PROX2: variants seen among roughly 807,000 people sequenced by gnomAD.
The protein encoded by PROX2 is prospero homeobox 2.
Under a neutral mutation model 48.9 loss-of-function variants are expected in PROX2, and 46 were observed. The ratio of observed to expected loss-of-function variants is 0.94; its 90% CI spans 0.74 to 1.20. The LOEUF is 1.20. Among genes scored for constraint, PROX2 ranks in the 50% most tolerant of loss-of-function variants. The pLI, the probability that PROX2 is intolerant of heterozygous loss-of-function variation, is 0.00. For missense variants in PROX2, 663 were observed against 719.4 expected (o/e 0.92, Z 0.90); for synonymous variants, 260 against 276.6 (o/e 0.94, Z 0.60).
chr14:74,863,745 G>T lies in PROX2; in HGVS notation c.90C>A (p.Ser30=), dbSNP rs751793935. 2.6e-6 allele frequency: 4 copies of T among 1,528,968 alleles called. No individual in the cohort carries two copies. The highest frequency in any genetic ancestry group is 3.5e-6 in the Non-Finnish European group (4 of 1,142,750). 94.7% of individuals were successfully genotyped at this position (1,528,968 alleles called of 1,614,324 possible). A position where few individuals can be genotyped will look rare whatever the true frequency, so the allele number is the denominator to read the frequency against. ...GGGAGTCTCTATCCAGCTCTGGAGG[G>T]GATGAGCTTCTCTCGCCTTCCGTAC... ...EACTEGERSS[S]PPELDRDSPF... The change falls in exon 3 of 6, where the codon TCC becomes TCA. Residue 30 remains serine, a synonymous_variant. Coordinates refer to ENST00000556489, the MANE Select transcript of PROX2 (RefSeq NM_001243007.2).
chr14:74,860,503 C>T (rs924514017), intron 3 of PROX2, among the ~76,000 whole-genome samples: 4 of 152,110 alleles, frequency 2.6e-5, no homozygotes, highest in Admixed American at 6.5e-5. Flanking sequence ...TGCCTGCCAC[C>T]GAGAAGGTGT....
intron 1 of PROX2, chr14:74,874,075 CA>C (rs1566783846): frequency 5.7e-6 from 3 of 525,240 alleles, no homozygotes; most frequent in South Asian, 2.8e-5. Flanking sequence ...CTTTTGGGAC[CA>C]AAAATAATAA....
intron 3 of PROX2, among the ~76,000 whole-genome samples, chr14:74,861,014 A>C (rs149369881): frequency 6.6e-6 from 1 of 152,180 alleles, no homozygotes; most frequent in Non-Finnish European, 1.5e-5. Context: ...TGGCAAGTGA[A>C]GTGTTCTCAG....
Position 74,858,435 on chromosome 14 carries a change from A to T in PROX2, c.1385T>A (p.Leu462His), listed in dbSNP as rs368765044. ...FFFTRYPSSN[L>H]LKVYFPDVQF... is the part of the protein sequence containing the mutation. ...AACATCAGGAAAATAAACCTTCAGGAGGTTGGAGCTGGGATATCGTGTGAA... is the reference window on the plus strand; with the variant it reads ...AACATCAGGAAAATAAACCTTCAGGTGGTTGGAGCTGGGATATCGTGTGAA... The change falls in exon 4 of 6, where the codon CTC becomes CAC. Residue 462 changes from leucine (L) to histidine (H), a missense_variant. Leu to His is a moderately conservative substitution (Grantham distance 99, BLOSUM62 -3). Coordinates refer to ENST00000556489, the MANE Select transcript of PROX2 (RefSeq NM_001243007.2). 1.2e-4 allele frequency: 186 copies of T among 1,581,504 alleles called. No homozygotes were observed. The African/African-American group carries it at 2.3e-3, about 19-fold the overall frequency.
chr14:74,874,302 G>GAC (rs1275084931), intron 1 of PROX2: 10 of 321,504 alleles, frequency 3.1e-5, no homozygotes, highest in Non-Finnish European at 5.3e-5. Context: ...TGCCAGGCTG[G>GAC]AGTGCAGTGG....
At chr14:74,855,380 G>T in intron 5 of PROX2, 78 bp from the exon 6 acceptor site, 1 of 1,230,386 alleles carries the variant, frequency 8.1e-7, no homozygotes, top group Non-Finnish European at 1.1e-6. Context: ...TCACTAGCGG[G>T]TGCTGCCTGT....
chr14:74,868,857 G>A lies in PROX2; in HGVS notation c.-175+2246C>T, dbSNP rs946717002. Among the ~76,000 whole-genome samples, 5 of 151,700 alleles carry A rather than the reference G, an allele frequency of 3.3e-5. No individual in the cohort carries two copies. The East Asian group carries it at 9.7e-4, about 30-fold the overall frequency. ...TCTCAAAAAAAAAAAAAATAAGATA[G>A]TATGGAGATAGATGGAGAACATAGA... On this transcript the variant is annotated intron_variant, in intron 2 of 5. Transcript: ENST00000556489.
At chr14:74,861,211 C>G (rs915497656) in intron 3 of PROX2, 2 of 1,352,872 alleles carry the variant, frequency 1.5e-6, no homozygotes, top group Non-Finnish European at 2.0e-6. Flanking sequence ...CTGTTCCCAC[C>G]TGGATATGCA....
chr14:74,868,779 A>G (rs192862742), intron 2 of PROX2, among the ~76,000 whole-genome samples: 239 of 152,078 alleles, frequency 1.6e-3, no homozygotes, highest in African/African-American at 5.6e-3. Context: ...CGGAGCCTGC[A>G]GTGAGCCGAG....
chr14:74,870,718 T>C (rs1883192071), intron 2 of PROX2, among the ~76,000 whole-genome samples: 1 of 152,048 alleles, frequency 6.6e-6, no homozygotes. Context: ...TCCATTCAAT[T>C]TTGCTGTGAA....
At chr14:74,871,407 A>C (rs2140174410) in intron 1 of PROX2, among the ~76,000 whole-genome samples, 170 bp from the exon 2 acceptor site, 1 of 152,340 alleles carries the variant, frequency 6.6e-6, no homozygotes, top group Admixed American at 6.5e-5. Flanking sequence ...CTTATAAGAT[A>C]ACTGCGAAGG....
In PROX2 at chr14:74,863,532, C is replaced by T. The variant is rs756042170; in HGVS notation, c.303G>A (p.Glu101=). Residue 101 remains glutamate (E), a synonymous_variant, in exon 3 of 6, where the codon GAG becomes GAA. Coordinates refer to ENST00000556489, the MANE Select transcript of PROX2 (RefSeq NM_001243007.2). ...VSPRCPKKAR[E]RKRKQNLPTP... is the part of the protein sequence containing the mutation. ...TGGGAAGGTTCTGCTTCCTCTTCCT[C>T]TCTCGGGCCTTCTTTGGGCAGCGTG... 1.2e-6 allele frequency: 2 copies of T among 1,613,498 alleles called. No individual in the cohort carries two copies. The highest frequency in any genetic ancestry group is 4.5e-5 in the East Asian group (2 of 44,894).
At chr14:74,872,003 G>T in intron 1 of PROX2, 1 of 152,364 alleles carries the variant, frequency 6.6e-6, no homozygotes, top group Non-Finnish European at 1.5e-5. Context: ...CAAAGGGGAA[G>T]GGCTGCCTAT....
chr14:74,874,821 T>A (rs1883300811), intron 1 of PROX2, among the ~76,000 whole-genome samples: 1 of 152,170 alleles, frequency 6.6e-6, no homozygotes. Context: ...AATTTTTTCA[T>A]CTCCCTTCAT....
rs1394529596 is a variant in PROX2 at position 74,863,696 on chromosome 14, T to G, written c.139A>C (p.Ser47Arg). 8 of 1,537,418 alleles carry G rather than the reference T, an allele frequency of 5.2e-6. 1 individual carries two copies. The part of the protein sequence containing the change: ...DSPFPWSQVP[S>R]SSPTDPEWFG... ...CATTCGGGGTCTGTAGGGCTGGAGC[T>G]GGGGACCTGACTCCAGGGAAACGGG... The change falls in exon 3 of 6, where the codon AGC (serine) becomes CGC (arginine). Residue 47 changes from serine to arginine, a missense_variant. Physicochemically the swap from Ser to Arg is moderately radical, Grantham distance 110 (BLOSUM62 -1). Coordinates refer to ENST00000556489, the MANE Select transcript of PROX2 (RefSeq NM_001243007.2).
chr14:74,863,467 T>G lies in PROX2; in HGVS notation c.368A>C (p.Gln123Pro), dbSNP rs1200666211. 9 of 1,613,692 alleles carry G rather than the reference T, an allele frequency of 5.6e-6. No individual in the cohort carries two copies. Among genetic ancestry groups the G allele is most frequent in the Non-Finnish European group, 7.6e-6 (9 of 1,179,694 alleles). The change falls in exon 3 of 6, where the codon CAG (glutamine) becomes CCG (proline). Residue 123 changes from glutamine to proline, a missense_variant. Gln to Pro is a moderately conservative substitution (Grantham distance 76, BLOSUM62 -1). Transcript: ENST00000556489. ...ACGAGGGCCCCCCTTCCTGTTGCCC[T>G]GGTCCCAGGCAGGGGCTGGCATCAG... ...GLLMPAPAWD[Q>P]GNRKGGPRVR... is the part of the protein sequence containing the mutation.
intron 1 of PROX2, among the ~76,000 whole-genome samples, chr14:74,872,447 TACCTTCATCAAC>T (rs1883237589): frequency 6.6e-6 from 1 of 152,202 alleles, no homozygotes; most frequent in East Asian, 1.9e-4. Flanking sequence ...CAGCTGCTTT[TACCTTCATCAAC>T]ACTCATTATG....
chr14:74,862,698 T>C lies in PROX2; in HGVS notation c.1137A>G (p.Leu379=), dbSNP rs1174079173. 3.7e-6 allele frequency: 6 copies of C among 1,613,942 alleles called. No individual in the cohort carries two copies. The highest frequency in any genetic ancestry group is 5.1e-6 in the Non-Finnish European group (6 of 1,179,880). ...GCGGCTTAGTAGTTCTCCAAGGTCG[T>C]AGGGCAGGCTCTGAGGAGGGGTGCC... The part of the protein sequence containing the change: ...SQRHPSSEPA[L]RPWRTTKPQP... The change falls in exon 3 of 6, where the codon CTA becomes CTG. Residue 379 remains leucine (L), a synonymous_variant. Transcript: ENST00000556489.
Position 74,862,917 on chromosome 14 carries a change from G to A in PROX2, c.918C>T (p.Ala306=), listed in dbSNP as rs2091807519. ...GGTACCTAGGAGAATCTAGACGCTT[G>A]GCCAGTGATAAATTTCCTACTGGGA... ...AGVPVGNLSL[A]KRLDSPRYPI... The change falls in exon 3 of 6, where the codon GCC becomes GCT. Residue 306 remains alanine (A), a synonymous_variant. Coordinates refer to ENST00000556489, the MANE Select transcript of PROX2 (RefSeq NM_001243007.2). The A allele has an allele frequency of 1.2e-6, 2 of 1,613,888 alleles. No individual in the cohort carries two copies. Among genetic ancestry groups the A allele is most frequent in the East Asian group, 4.5e-5 (2 of 44,884 alleles).
Sources: allele counts gnomAD v4.1 joint callset (sites outside exome capture counted in the v4.1 genomes callset), GRCh38; gene constraint gnomAD v4.1.1; transcripts MANE v1.5; gene names NCBI Gene and HGNC (gene_info 2026-07-23, HGNC 2026-07-21).